EPB41L4A: variants seen among roughly 807,000 people sequenced by gnomAD.
EPB41L4A encodes band 4.1-like protein 4A.
A neutral mutation model predicts 108.6 loss-of-function variants in EPB41L4A; 100 were observed. The observed-to-expected ratio is 0.92, with a 90% CI of 0.78 to 1.09. The LOEUF is 1.09. EPB41L4A is among the 50% of genes least tolerant of loss of function. The probability of loss-of-function intolerance (pLI) is 0.00; values close to 1 mark genes in which losing one functional copy is unlikely to be tolerated. For missense variants in EPB41L4A, 1,030 were observed against 842.7 expected, an observed-to-expected ratio of 1.22 and a Z score of -2.75; for synonymous variants, 319 against 289.0, an observed-to-expected ratio of 1.10 and a Z score of -1.05.
At chr5:112,373,322 C>T (rs185617620) in intron 1 of EPB41L4A, among the ~76,000 whole-genome samples, 1 of 152,340 alleles carries the variant, frequency 6.6e-6, no homozygotes, top group East Asian at 1.9e-4. Flanking sequence ...CCCCTGTCAA[C>T]ATGGTTCTTC....
intron 1 of EPB41L4A, among the ~76,000 whole-genome samples, chr5:112,366,818 T>C (rs529464367): frequency 6.6e-6 from 1 of 152,212 alleles, no homozygotes; most frequent in African/African-American, 2.4e-5. Context: ...CTTCAGCTAT[T>C]TGCATTTTTA....
intron 1 of EPB41L4A, among the ~76,000 whole-genome samples, chr5:112,336,257 AG>A (rs1756910680): frequency 6.6e-6 from 1 of 152,220 alleles, no homozygotes; most frequent in African/African-American, 2.4e-5. Flanking sequence ...GGGAGGGGGC[AG>A]TGGAAATTGA....
intron 2 of EPB41L4A, among the ~76,000 whole-genome samples, chr5:112,289,199 C>A (rs115320239): frequency 6.6e-6 from 1 of 151,778 alleles, no homozygotes; most frequent in African/African-American, 2.4e-5. Flanking sequence ...TAGATAGGGC[C>A]CAGATAATAA....
intron 1 of EPB41L4A, among the ~76,000 whole-genome samples, chr5:112,332,186 G>A (rs1270645765): frequency 6.6e-6 from 1 of 152,184 alleles, no homozygotes; most frequent in Non-Finnish European, 1.5e-5. Flanking sequence ...AGAATCTTAA[G>A]GATAGTGAGA....
chr5:112,331,807 A>C (rs903976615), intron 1 of EPB41L4A, among the ~76,000 whole-genome samples: 1 of 152,210 alleles, frequency 6.6e-6, no homozygotes, highest in Non-Finnish European at 1.5e-5. Context: ...CAGCAGCTGG[A>C]GGCTACCAAC....
chr5:112,380,841 G>T (rs899786020), intron 1 of EPB41L4A, among the ~76,000 whole-genome samples: 1 of 150,366 alleles, frequency 6.7e-6, no homozygotes, highest in Non-Finnish European at 1.5e-5. Context: ...TTCAGCCAAG[G>T]GGAAAGGAGA....
At chr5:112,352,009 C>T (rs568461997) in intron 1 of EPB41L4A, among the ~76,000 whole-genome samples, 118 of 152,264 alleles carry the variant, frequency 7.7e-4, no homozygotes, top group African/African-American at 2.7e-3. Context: ...AACATAATAA[C>T]GGCCATGTAT....
chr5:112,260,000 C>T, intron 7 of EPB41L4A, 21 bp from the exon 8 acceptor site: 1 of 1,501,528 alleles, frequency 6.7e-7, no homozygotes, highest in Non-Finnish European at 9.3e-7. Flanking sequence ...AAACATATGC[C>T]TATAACCACA....
intron 1 of EPB41L4A, among the ~76,000 whole-genome samples, chr5:112,350,121 C>A (rs1204861791): frequency 7.0e-6 from 1 of 141,942 alleles, no homozygotes; most frequent in Non-Finnish European, 1.5e-5. Flanking sequence ...TCAGGTATGA[C>A]TGAGGGACTC....
chr5:112,185,092 C>CT (rs34741856), intron 17 of EPB41L4A, among the ~76,000 whole-genome samples: 5,170 of 142,444 alleles, frequency 0.036, 295 homozygotes, highest in African/African-American at 0.11. Context: ...GCTGTGAAGC[C>CT]TTTTTTTTTT....
intron 2 of EPB41L4A, among the ~76,000 whole-genome samples, chr5:112,297,188 A>T (rs1400986623): frequency 6.6e-6 from 1 of 152,086 alleles, no homozygotes; most frequent in Non-Finnish European, 1.5e-5. Flanking sequence ...TGGGAGTTAT[A>T]CTTTGAGTTC....
At chr5:112,348,276 T>C (rs536232703) in intron 1 of EPB41L4A, among the ~76,000 whole-genome samples, 1 of 152,330 alleles carries the variant, frequency 6.6e-6, no homozygotes, top group African/African-American at 2.4e-5. Context: ...TACCACATCA[T>C]GCCTGTATTA....
intron 4 of EPB41L4A, among the ~76,000 whole-genome samples, chr5:112,268,842 C>CA (rs34983995): frequency 0.13 from 7,137 of 55,794 alleles, 819 homozygotes; most frequent in Non-Finnish European, 0.14. Context: ...GACCTTCTCT[C>CA]AAAAAAAAAA....
chr5:112,204,598 GCA>G, intron 14 of EPB41L4A, 110 bp from the exon 15 acceptor site: 1 of 596,266 alleles, frequency 1.7e-6, no homozygotes, highest in South Asian at 2.4e-5. Context: ...AGAGGCACAT[GCA>G]CCAGGGGCAC....
At chr5:112,409,051 T>C (rs186752442) in intron 1 of EPB41L4A, among the ~76,000 whole-genome samples, 1 of 152,252 alleles carries the variant, frequency 6.6e-6, no homozygotes, top group Non-Finnish European at 1.5e-5. Flanking sequence ...ATCAATACTA[T>C]TTGTAATAGC....
At chr5:112,203,754 T>A (rs762636537) in intron 15 of EPB41L4A, among the ~76,000 whole-genome samples, 1 of 151,240 alleles carries the variant, frequency 6.6e-6, no homozygotes, top group Non-Finnish European at 1.5e-5. Context: ...TAACATATAC[T>A]ATCTCGTCTG....
At chr5:112,376,105 G>T (rs1364172851) in intron 1 of EPB41L4A, among the ~76,000 whole-genome samples, 1 of 152,152 alleles carries the variant, frequency 6.6e-6, no homozygotes, top group Non-Finnish European at 1.5e-5. Context: ...GCTACTCAGA[G>T]AAAGTTTTCA....
intron 1 of EPB41L4A, among the ~76,000 whole-genome samples, chr5:112,324,465 C>T (rs1479976977): frequency 6.6e-6 from 1 of 152,000 alleles, no homozygotes; most frequent in East Asian, 1.9e-4. Flanking sequence ...ACAAATGGTG[C>T]CTGTAATCCT....
intron 13 of EPB41L4A, among the ~76,000 whole-genome samples, chr5:112,208,584 GA>G (rs920575930): frequency 2.0e-5 from 3 of 152,166 alleles, no homozygotes; most frequent in Admixed American, 1.3e-4. Flanking sequence ...TAGAGGAGGA[GA>G]GGGGGCAAGG....
Sources: gnomAD v4.1 joint callset for allele counts (sites outside exome capture counted in the v4.1 genomes callset) on GRCh38, gnomAD v4.1.1 for gene constraint, MANE v1.5 for transcripts, NCBI Gene and HGNC (gene_info 2026-07-23, HGNC 2026-07-21) for gene names.